Variants in PITPNC1 observed in about 807,000 individuals in gnomAD.
PITPNC1 encodes the protein phosphatidylinositol transfer protein cytoplasmic 1, also known as cytoplasmic phosphatidylinositol transfer protein 1.
A neutral mutation model predicts 44.7 loss-of-function variants in PITPNC1; 18 were observed. The observed-to-expected ratio is 0.40, with a 90% CI of 0.28 to 0.60. PITPNC1 has a LOEUF of 0.60. PITPNC1 is among the 20% of genes least tolerant of loss of function. The pLI is 0.39. For missense variants in PITPNC1, 290 were observed against 418.4 expected, an observed-to-expected ratio of 0.69 and a Z score of 2.68; for synonymous variants, 141 against 149.6, an observed-to-expected ratio of 0.94 and a Z score of 0.42.
intron 6 of PITPNC1, among the ~76,000 whole-genome samples, chr17:67,658,869 G>T (rs1221397094): frequency 6.6e-6 from 1 of 152,076 alleles, no homozygotes; most frequent in African/African-American, 2.4e-5. Flanking sequence ...TCAACTGCAG[G>T]GGGGAAGCCA....
intron 2 of PITPNC1, among the ~76,000 whole-genome samples, chr17:67,542,343 T>A (rs1437877431): frequency 1.3e-5 from 2 of 152,108 alleles, no homozygotes; most frequent in East Asian, 1.9e-4. Flanking sequence ...TAAATCCCCA[T>A]CATCATAAAA....
At chr17:67,629,443 G>A (rs776020045) in intron 5 of PITPNC1, among the ~76,000 whole-genome samples, 9 of 152,122 alleles carry the variant, frequency 5.9e-5, no homozygotes, top group Non-Finnish European at 7.4e-5. Flanking sequence ...CAGTAGGGAC[G>A]GGGTTTCTCC....
chr17:67,504,613 G>A (rs1203145018), intron 1 of PITPNC1, among the ~76,000 whole-genome samples: 2 of 152,222 alleles, frequency 1.3e-5, no homozygotes, highest in African/African-American at 4.8e-5. Context: ...TTCAATATCA[G>A]GGGAATTCAG....
At chr17:67,525,383 C>T (rs948522267) in intron 1 of PITPNC1, 1 of 152,234 alleles carries the variant, frequency 6.6e-6, no homozygotes, top group Non-Finnish European at 1.5e-5. Context: ...TAAATGAAAG[C>T]AGCCATAGAA....
chr17:67,581,965 A>G (rs2706704), intron 5 of PITPNC1, among the ~76,000 whole-genome samples: 36,325 of 151,878 alleles, frequency 0.24, 5,179 homozygotes, highest in African/African-American at 0.4. Flanking sequence ...CCCGGGAGGC[A>G]GAGGTTGCCG....
rs2042969527 is a variant in PITPNC1 at position 67,693,855 on chromosome 17, A to T, written c.*967A>T. 6.6e-6 allele frequency: 1 copy of T among 152,230 alleles called. No homozygotes were observed. Among genetic ancestry groups the T allele is most frequent in the East Asian group, 1.9e-4 (1 of 5,198 alleles). 9.4% of individuals were successfully genotyped at this position (152,230 alleles called of 1,614,324 possible). A position where few individuals can be genotyped will look rare whatever the true frequency, so the allele number is the denominator to read the frequency against. On this transcript the variant is annotated 3_prime_UTR_variant, in exon 9 of 9. Transcript: ENST00000581322. Reference sequence around the variant, plus strand: ...ACTATAAAAAAGAGAACTGTCTCCCATCCCCTTCCTTGTTTTACTCTTAGT... The same window carrying T: ...ACTATAAAAAAGAGAACTGTCTCCCTTCCCCTTCCTTGTTTTACTCTTAGT...
At chr17:67,544,826 T>TC (rs1182198722) in intron 2 of PITPNC1, among the ~76,000 whole-genome samples, 2 of 152,152 alleles carry the variant, frequency 1.3e-5, no homozygotes, top group Non-Finnish European at 2.9e-5. Context: ...TCCCAGATCT[T>TC]CCCCAAAATA....
chr17:67,474,446 G>A (rs2039596401), intron 1 of PITPNC1, among the ~76,000 whole-genome samples: 1 of 152,060 alleles, frequency 6.6e-6, no homozygotes, highest in Non-Finnish European at 1.5e-5. Flanking sequence ...ATTCATTGTT[G>A]TGGGAGCCGT....
At chr17:67,664,815 G>C (rs946302734) in intron 6 of PITPNC1, among the ~76,000 whole-genome samples, 4 of 150,958 alleles carry the variant, frequency 2.6e-5, no homozygotes, top group African/African-American at 9.7e-5. Flanking sequence ...TGAGGCAAAA[G>C]AATTGCTTGA....
chr17:67,475,816 G>A (rs1307160095), intron 1 of PITPNC1, among the ~76,000 whole-genome samples: 1 of 152,104 alleles, frequency 6.6e-6, no homozygotes, highest in African/African-American at 2.4e-5. Context: ...ATTTTAGGAG[G>A]ATTTTTCAAG....
chr17:67,557,440 T>TG (rs2040853323), intron 4 of PITPNC1, among the ~76,000 whole-genome samples: 1 of 152,186 alleles, frequency 6.6e-6, no homozygotes, highest in Admixed American at 6.5e-5. Flanking sequence ...GACACATGGA[T>TG]GGAGGGCAGG....
chr17:67,612,762 G>A (rs2041704896), intron 5 of PITPNC1: 1 of 152,278 alleles, frequency 6.6e-6, no homozygotes, highest in Non-Finnish European at 1.5e-5. Context: ...AGTCTCAAGA[G>A]AAAAAGAGTT....
intron 6 of PITPNC1, among the ~76,000 whole-genome samples, chr17:67,642,419 C>A (rs1339195286): frequency 6.6e-6 from 1 of 152,144 alleles, no homozygotes; most frequent in Admixed American, 6.6e-5. Flanking sequence ...CCCTTCAAAT[C>A]CATCAACCTA....
chr17:67,436,069 T>G (rs1487997037), intron 1 of PITPNC1, among the ~76,000 whole-genome samples: 1 of 152,136 alleles, frequency 6.6e-6, no homozygotes. Flanking sequence ...CATAGCTCAC[T>G]GCAGCCTCCA....
intron 4 of PITPNC1, among the ~76,000 whole-genome samples, chr17:67,555,409 C>T (rs1461640237): frequency 1.3e-5 from 2 of 152,172 alleles, no homozygotes; most frequent in Non-Finnish European, 2.9e-5. Flanking sequence ...CCCCAGGCTA[C>T]TTTGCCAACG....
In PITPNC1 at chr17:67,497,292, T is replaced by C. The variant is rs2039965977; in HGVS notation, c.49-35510T>C. 7.3e-5 allele frequency among the ~76,000 whole-genome samples: 11 copies of C among 151,714 alleles called. 1 individual carries two copies. In the South Asian group the frequency reaches 2.3e-3, roughly 32 times the overall value. Reference sequence around the variant, plus strand: ...TGGAGTGCAATGGCGCAATCGTGGCTCACTGCAACCTCCGATTCCCCAGCC... The same window carrying C: ...TGGAGTGCAATGGCGCAATCGTGGCCCACTGCAACCTCCGATTCCCCAGCC... On this transcript the variant is annotated intron_variant, in intron 1 of 8. Coordinates refer to ENST00000581322, the MANE Select transcript of PITPNC1 (RefSeq NM_012417.4).
chr17:67,668,960 T>C (rs944838720), intron 6 of PITPNC1, among the ~76,000 whole-genome samples: 2 of 152,260 alleles, frequency 1.3e-5, no homozygotes, highest in Non-Finnish European at 2.9e-5. Context: ...TTTTCGCATA[T>C]GCACAAGGTT....
At chr17:67,621,109 G>A (rs908253233) in intron 5 of PITPNC1, among the ~76,000 whole-genome samples, 2 of 152,096 alleles carry the variant, frequency 1.3e-5, no homozygotes, top group Non-Finnish European at 2.9e-5. Context: ...CTTGGACCCC[G>A]ACCATTATGG....
chr17:67,609,399 C>T (rs2041658471), intron 5 of PITPNC1, among the ~76,000 whole-genome samples: 1 of 151,646 alleles, frequency 6.6e-6, no homozygotes, highest in East Asian at 1.9e-4. Context: ...AAGTGATTCT[C>T]CTGCCTCAGC....
Sources: gnomAD v4.1 joint callset for allele counts (sites outside exome capture counted in the v4.1 genomes callset) on GRCh38, gnomAD v4.1.1 for gene constraint, MANE v1.5 for transcripts, NCBI Gene and HGNC (gene_info 2026-07-23, HGNC 2026-07-21) for gene names.